TEAD2: variants seen among roughly 807,000 people sequenced by gnomAD.
The protein encoded by TEAD2 is transcriptional enhancer factor TEF-4.
TEAD2 carries 51 observed loss-of-function variants against 61.4 expected under a neutral mutation model. The ratio of observed to expected loss-of-function variants is 0.83; its 90% CI spans 0.66 to 1.05. The LOEUF (loss-of-function observed/expected upper bound fraction) is 1.05. Ranked by LOEUF, TEAD2 falls within the 50% of genes least tolerant of loss-of-function variation. TEAD2 has a pLI of 0.00. For missense variants in TEAD2, 509 were observed against 600.0 expected, an observed-to-expected ratio of 0.85 and a Z score of 1.58; for synonymous variants, 244 against 243.2, an observed-to-expected ratio of 1.00 and a Z score of -0.03.
At chr19:49,354,119 C>G (rs1972216383) in intron 7 of TEAD2, among the ~76,000 whole-genome samples, 1 of 151,226 alleles carries the variant, frequency 6.6e-6, no homozygotes, top group Admixed American at 6.6e-5. Context: ...CTTTCTCTGA[C>G]AATACCGTCA....
chr19:49,357,998 C>A lies in TEAD2; in HGVS notation c.298-684G>T, dbSNP rs187709249. Among the ~76,000 whole-genome samples the A allele has an allele frequency of 2.6e-5, 4 of 152,190 alleles. No individual in the cohort carries two copies. The East Asian group carries it at 7.7e-4, about 29-fold the overall frequency. ...CTGTAATCCCAGCACTTTGGGAGGC[C>A]GAGGCGGGTGGATCACCTGAGGTCA... On this transcript the variant is annotated intron_variant, in intron 3 of 12. Coordinates refer to ENST00000593945, the MANE Select transcript of TEAD2 (RefSeq NM_001256660.2).
Position 49,342,569 on chromosome 19 carries a change from C to G in TEAD2, c.1111G>C (p.Asp371His). The G allele has an allele frequency of 1.9e-6, 3 of 1,613,532 alleles. No homozygotes were observed. Among genetic ancestry groups the G allele is most frequent in the Non-Finnish European group, 2.5e-6 (3 of 1,179,700 alleles). The stretch of plus-strand genomic sequence containing the variant: ...AGCAGGCGGTACACAAATCTGCCGT[C>G]CTCCAGCTGGGCCCGTTCCGTCTGA... Reference protein sequence around the residue: ...KVETERAQLEDGRFVYRLLRS... With the variant: ...KVETERAQLEHGRFVYRLLRS... Residue 371 changes from aspartate to histidine, a missense_variant, in exon 12 of 13, where the codon GAC becomes CAC. Asp to His is a moderately conservative substitution (Grantham distance 81). Coordinates refer to ENST00000593945, the MANE Select transcript of TEAD2 (RefSeq NM_001256660.2).
chr19:49,359,901 T>C lies in TEAD2; in HGVS notation c.175A>G (p.Ile59Val). The change falls in exon 2 of 13, where the codon ATC (isoleucine) becomes GTC (valine). Residue 59 changes from isoleucine (I) to valine (V), a missense_variant. Coordinates refer to ENST00000593945, the MANE Select transcript of TEAD2 (RefSeq NM_001256660.2). This position sits in a 1 kb window ranked among gnomAD's most constrained non-coding sequence, Gnocchi z 4.1. ...IEQSFQEALA[I>V]YPPCGRRKII... ...TTCCGGCGGCCGCAGGGTGGATAGA[T>C]GGCCAGGGCCTCCTGGAAGCTCTGC... is the stretch of plus-strand genomic sequence containing the variant. 6.2e-7 allele frequency: 1 copy of C among 1,613,650 alleles called. No homozygotes were observed. The highest frequency in any genetic ancestry group is 8.5e-7 in the Non-Finnish European group (1 of 1,180,032).
At chr19:49,346,165 C>CAAAAAAAAAAAAAAAAAA (rs10684078) in intron 10 of TEAD2, among the ~76,000 whole-genome samples, 3 of 44,380 alleles carry the variant, frequency 6.8e-5, no homozygotes, top group Non-Finnish European at 1.1e-4. Context: ...AATTCCATCT[C>CAAAAAAAAAAAAAAAAAA]AAAAAAAAAA....
chr19:49,342,626 C>G, intron 11 of TEAD2, 36 bp from the exon 12 acceptor site: 1 of 1,598,564 alleles, frequency 6.3e-7, no homozygotes, highest in Non-Finnish European at 8.6e-7. Context: ...AAAATGGTGG[C>G]TGAGAGACCC....
intron 8 of TEAD2, among the ~76,000 whole-genome samples, chr19:49,349,547 G>C (rs1381172407): frequency 2.0e-5 from 3 of 151,726 alleles, no homozygotes; most frequent in African/African-American, 7.3e-5. Context: ...GATCCCTCAT[G>C]AATGTCTTGG....
At chr19:49,351,243 G>A in intron 8 of TEAD2, 58 bp downstream of exon 8, 1 of 1,502,640 alleles carries the variant, frequency 6.7e-7, no homozygotes, top group Non-Finnish European at 9.1e-7. Flanking sequence ...TGAAGGAAAG[G>A]CAGTAGGGGT....
chr19:49,343,030 A>G (rs1971400784), intron 11 of TEAD2, among the ~76,000 whole-genome samples: 1 of 152,002 alleles, frequency 6.6e-6, no homozygotes, highest in Non-Finnish European at 1.5e-5. Flanking sequence ...TCTCTATACT[A>G]CACATTACCT....
chr19:49,355,470 G>T, intron 5 of TEAD2, 51 bp from the exon 6 acceptor site: 2 of 1,493,198 alleles, frequency 1.3e-6, no homozygotes, highest in Non-Finnish European at 9.3e-7. Context: ...AGTCAACATG[G>T]CAAGAGGGGG....
At chr19:49,354,870 C>T (rs1192229833) in intron 7 of TEAD2, among the ~76,000 whole-genome samples, 5 of 151,920 alleles carry the variant, frequency 3.3e-5, no homozygotes, top group Admixed American at 6.6e-5. Flanking sequence ...TAGAGGCAGG[C>T]GCCTATAGTC....
chr19:49,361,875 C>G (rs1972972217), intron 1 of TEAD2: 2 of 152,774 alleles, frequency 1.3e-5, no homozygotes, highest in Non-Finnish European at 2.9e-5. Flanking sequence ...AGCCCTTCCC[C>G]ATGTGGCCAG....
At chr19:49,342,405 G>A (rs1312009250) in intron 12 of TEAD2, 33 bp downstream of exon 12, 14 of 1,607,830 alleles carry the variant, frequency 8.7e-6, no homozygotes, top group African/African-American at 4.0e-5. Flanking sequence ...TCCACACTGG[G>A]GGGCCCCACT....
chr19:49,351,285 G>A lies in TEAD2; in HGVS notation c.604+16C>T. The A allele has an allele frequency of 6.2e-7, 1 of 1,609,080 alleles. No homozygotes were observed. Among genetic ancestry groups the A allele is most frequent in the Non-Finnish European group, 8.5e-7 (1 of 1,178,012 alleles). On this transcript the variant is annotated intron_variant, in intron 8 of 12. Coordinates refer to ENST00000593945, the MANE Select transcript of TEAD2 (RefSeq NM_001256660.2). ...GAGAGAGGGGAGACAAGGGAGGGTG[G>A]AGCGCAGGCTCTTACCTGGGAGGTC... is the stretch of plus-strand genomic sequence containing the variant.
At chr19:49,351,494 G>C in intron 7 of TEAD2, 129 bp from the exon 8 acceptor site, 1 of 788,606 alleles carries the variant, frequency 1.3e-6, no homozygotes, top group Non-Finnish European at 2.0e-6. Flanking sequence ...AAGCCTCACA[G>C]TGCGTGAGGT....
chr19:49,358,843 G>A (rs1035264196), intron 3 of TEAD2, among the ~76,000 whole-genome samples: 1 of 151,656 alleles, frequency 6.6e-6, no homozygotes, highest in Non-Finnish European at 1.5e-5. Flanking sequence ...ATGTTGGTCA[G>A]GATGGTCTCG....
intron 1 of TEAD2, 76 bp from the exon 2 acceptor site, chr19:49,360,157 TCTGGACCA>T: frequency 1.7e-6 from 2 of 1,204,310 alleles, no homozygotes; most frequent in Non-Finnish European, 2.3e-6. Context: ...GGGCTGGGAC[TCTGGACCA>T]CTGGGTCTGA....
chr19:49,348,745 T>A lies in TEAD2; in HGVS notation c.705A>T (p.Val235=). Residue 235 remains valine (V), a synonymous_variant, in exon 9 of 13, where the codon GTA becomes GTT. Transcript: ENST00000593945. The part of the protein sequence containing the change: ...RGLGTARLQL[V]EFSAFVEPPD... ...GCGGTTCCACGAAGGCTGAGAACTCTACCAGCTGCAACCGGGCGGTGCCCA... is the reference window on the plus strand; with the variant it reads ...GCGGTTCCACGAAGGCTGAGAACTCAACCAGCTGCAACCGGGCGGTGCCCA... The A allele has an allele frequency of 6.2e-7, 1 of 1,614,028 alleles. No homozygotes were observed. Among genetic ancestry groups the A allele is most frequent in the Non-Finnish European group, 8.5e-7 (1 of 1,179,976 alleles).
At chr19:49,352,849 T>C (rs1420886552) in intron 7 of TEAD2, among the ~76,000 whole-genome samples, 6 of 151,604 alleles carry the variant, frequency 4.0e-5, no homozygotes, top group Non-Finnish European at 8.8e-5. Flanking sequence ...CTCCTTTTCT[T>C]ATTAATTCTT....
chr19:49,355,962 G>T lies in TEAD2; in HGVS notation c.369C>A (p.Asn123Lys). 7.9e-7 allele frequency: 1 copy of T among 1,259,186 alleles called. No homozygotes were observed. Among genetic ancestry groups the T allele is most frequent in the Non-Finnish European group, 1.0e-6 (1 of 1,001,814 alleles). The allele number at this position is 1,259,186 out of a possible 1,614,324, so 78.0% of individuals were successfully genotyped here. The change falls in exon 5 of 13, where the codon AAC (asparagine) becomes AAA (lysine). Residue 123 changes from asparagine to lysine, a missense_variant. By Grantham distance (94) the Asn-to-Lys change is moderately conservative (BLOSUM62 0). Coordinates refer to ENST00000593945, the MANE Select transcript of TEAD2 (RefSeq NM_001256660.2). Reference sequence around the variant, plus strand: ...GAGGATGGGCAGAGGAACTTACCACGTTCAGAGCCTGCCCGTGGGGGTGGG... The same window carrying T: ...GAGGATGGGCAGAGGAACTTACCACTTTCAGAGCCTGCCCGTGGGGGTGGG... ...REIQSKLKAL[N>K]VDQVSKDKAF...
Sources: gnomAD v4.1 joint callset for allele counts (sites outside exome capture counted in the v4.1 genomes callset) on GRCh38, gnomAD v4.1.1 for gene constraint, Gnocchi (gnomAD v3.1) non-coding constraint, MANE v1.5 for transcripts, NCBI Gene and HGNC (gene_info 2026-07-23, HGNC 2026-07-21) for gene names.